The following ZNF407 variants were observed in gnomAD, a reference collection of about 807,000 sequenced individuals.
The protein encoded by ZNF407 is zinc finger protein 407.
Under a neutral mutation model 131.2 loss-of-function variants are expected in ZNF407, and 17 were observed. The observed-to-expected ratio is 0.13, with a 90% CI of 0.09 to 0.19. The LOEUF (loss-of-function observed/expected upper bound fraction) is 0.19, where lower values mean the gene tolerates loss of function less well. ZNF407 is among the 10% of genes least tolerant of loss of function. The pLI is 1.00. For missense variants in ZNF407, 2,681 were observed against 2,830.6 expected (o/e 0.95, Z 1.20); for synonymous variants, 1,156 against 1,062.0 (o/e 1.09, Z -1.72).
chr18:74,933,102 TAGC>T (rs1429984413), intron 8 of ZNF407, among the ~76,000 whole-genome samples: 1 of 152,132 alleles, frequency 6.6e-6, no homozygotes, highest in Non-Finnish European at 1.5e-5. Context: ...CCCATGTTCA[TAGC>T]AGCACTATTA....
chr18:74,641,533 C>T (rs1984717848), intron 3 of ZNF407, among the ~76,000 whole-genome samples: 1 of 151,998 alleles, frequency 6.6e-6, no homozygotes, highest in Non-Finnish European at 1.5e-5. Flanking sequence ...ATCCATTGGA[C>T]TTATTCTGTA....
At chr18:75,055,273 G>A (rs904366547) in intron 8 of ZNF407, among the ~76,000 whole-genome samples, 11 of 152,068 alleles carry the variant, frequency 7.2e-5, no homozygotes, top group Non-Finnish European at 1.0e-4. Context: ...CCATCTCATC[G>A]CCCTCCATGA....
chr18:74,735,988 G>A (rs959572293), intron 3 of ZNF407, among the ~76,000 whole-genome samples: 2 of 152,146 alleles, frequency 1.3e-5, no homozygotes, highest in Non-Finnish European at 2.9e-5. Context: ...CAAACTCTAT[G>A]TACTCCTGGA....
At chr18:74,979,384 C>T (rs1475083209) in intron 8 of ZNF407, among the ~76,000 whole-genome samples, 4 of 152,248 alleles carry the variant, frequency 2.6e-5, no homozygotes, top group South Asian at 2.1e-4. Flanking sequence ...CTCTGCCTCC[C>T]GGGTTCGAGC....
chr18:74,968,421 C>T (rs1972433537), intron 8 of ZNF407, among the ~76,000 whole-genome samples: 1 of 152,162 alleles, frequency 6.6e-6, no homozygotes, highest in Non-Finnish European at 1.5e-5. Flanking sequence ...ACCCTGATGA[C>T]CCAAGATTTA....
At chr18:74,922,711 C>A (rs1971862114) in intron 8 of ZNF407, among the ~76,000 whole-genome samples, 1 of 152,130 alleles carries the variant, frequency 6.6e-6, no homozygotes, top group South Asian at 2.1e-4. Context: ...AACTGGAGTT[C>A]AGTGGAGACC....
intron 8 of ZNF407, among the ~76,000 whole-genome samples, chr18:75,032,840 A>C: frequency 7.2e-6 from 1 of 138,294 alleles, no homozygotes. Flanking sequence ...GATAACTAAG[A>C]GTGCTCGGAA....
intron 4 of ZNF407, among the ~76,000 whole-genome samples, chr18:74,818,089 A>C (rs1970291858): frequency 6.6e-6 from 1 of 152,244 alleles, no homozygotes; most frequent in Admixed American, 6.5e-5. Context: ...GCACTAGGTC[A>C]GCTTGGAATT....
At chr18:74,618,733 G>A (rs1409808241) in intron 1 of ZNF407, among the ~76,000 whole-genome samples, 1 of 152,100 alleles carries the variant, frequency 6.6e-6, no homozygotes, top group Non-Finnish European at 1.5e-5. Flanking sequence ...AGGAGGAAAA[G>A]ATTACCTACA....
chr18:74,999,561 C>T (rs1400845367), intron 8 of ZNF407, among the ~76,000 whole-genome samples: 6 of 152,130 alleles, frequency 3.9e-5, no homozygotes, highest in African/African-American at 1.4e-4. Context: ...AGGAATATTG[C>T]TCACGAATGT....
chr18:75,015,733 T>C (rs1289090037), intron 8 of ZNF407, among the ~76,000 whole-genome samples: 2 of 151,768 alleles, frequency 1.3e-5, no homozygotes, highest in Non-Finnish European at 2.9e-5. Context: ...ACTGCTATAG[T>C]TCTCATCAAA....
chr18:74,911,662 C>A (rs1971673191), intron 7 of ZNF407, among the ~76,000 whole-genome samples: 1 of 152,172 alleles, frequency 6.6e-6, no homozygotes, highest in East Asian at 1.9e-4. Flanking sequence ...TAGCCTCCCC[C>A]TTCAGCTAAA....
intron 1 of ZNF407, among the ~76,000 whole-genome samples, chr18:74,616,880 AC>A (rs1983317378): frequency 8.5e-6 from 1 of 118,122 alleles, no homozygotes; most frequent in Non-Finnish European, 1.8e-5. Context: ...ATCCATATCC[AC>A]ACACCACACA....
At chr18:75,007,191 A>T (rs1313048481) in intron 8 of ZNF407, among the ~76,000 whole-genome samples, 17 of 150,564 alleles carry the variant, frequency 1.1e-4, no homozygotes, top group Admixed American at 1.1e-3. Flanking sequence ...AGTATTTTTT[A>T]TTTATTTATT....
intron 5 of ZNF407, among the ~76,000 whole-genome samples, chr18:74,878,561 T>C (rs1200408051): frequency 6.6e-6 from 1 of 152,148 alleles, no homozygotes; most frequent in Non-Finnish European, 1.5e-5. Context: ...GAGACTTGGC[T>C]GGATCAATAA....
At chr18:74,615,859 T>A (rs558119984) in intron 1 of ZNF407, among the ~76,000 whole-genome samples, 2 of 151,934 alleles carry the variant, frequency 1.3e-5, no homozygotes, top group African/African-American at 4.8e-5. Flanking sequence ...GGGAAAGAAC[T>A]GTTGTTGTTG....
chr18:74,696,502 G>A (rs1599077036), intron 3 of ZNF407, among the ~76,000 whole-genome samples: 1 of 152,022 alleles, frequency 6.6e-6, no homozygotes, highest in Admixed American at 6.6e-5. Context: ...TGTTCTATTC[G>A]GAGCAATGAC....
At chr18:74,953,424 G>T (rs540670626) in intron 8 of ZNF407, among the ~76,000 whole-genome samples, 7 of 152,290 alleles carry the variant, frequency 4.6e-5, no homozygotes, top group East Asian at 3.9e-4. Flanking sequence ...TACATCTGCC[G>T]TGTATGTCTG....
At chr18:75,044,319 G>T (rs1199569917) in intron 8 of ZNF407, among the ~76,000 whole-genome samples, 3 of 149,148 alleles carry the variant, frequency 2.0e-5, no homozygotes, top group South Asian at 2.1e-4. Context: ...GTTTTGTTGG[G>T]TTTTTTTTCT....
Sources: gnomAD v4.1 joint callset for allele counts (sites outside exome capture counted in the v4.1 genomes callset) on GRCh38, gnomAD v4.1.1 for gene constraint, MANE v1.5 for transcripts, NCBI Gene and HGNC (gene_info 2026-07-23, HGNC 2026-07-21) for gene names.